Variants in AMBRA1 observed in about 807,000 individuals in gnomAD.
AMBRA1 encodes the protein activating molecule in BECN1-regulated autophagy protein 1.
Under a neutral mutation model 125.4 loss-of-function variants are expected in AMBRA1, and 47 were observed. The observed-to-expected ratio is 0.37, with a 90% CI of 0.30 to 0.48. The LOEUF is 0.48. Among genes scored for constraint, AMBRA1 ranks in the 20% least tolerant of loss-of-function variants. The probability of loss-of-function intolerance (pLI) is 0.99; values close to 1 mark genes in which losing one functional copy is unlikely to be tolerated. For missense variants in AMBRA1, 1,331 were observed against 1,693.4 expected, an observed-to-expected ratio of 0.79 and a Z score of 3.76; for synonymous variants, 626 against 655.5, an observed-to-expected ratio of 0.95 and a Z score of 0.69.
chr11:46,418,957 T>G (rs922927689), intron 14 of AMBRA1, among the ~76,000 whole-genome samples: 5 of 150,974 alleles, frequency 3.3e-5, no homozygotes, highest in African/African-American at 9.8e-5. Context: ...GTAACCACAG[T>G]GCTCTCACAG....
intron 1 of AMBRA1, among the ~76,000 whole-genome samples, chr11:46,579,786 C>G (rs2044108243): frequency 6.6e-6 from 1 of 152,178 alleles, no homozygotes; most frequent in Non-Finnish European, 1.5e-5. Flanking sequence ...GATATCAGCT[C>G]ACTATATCCC....
intron 17 of AMBRA1, among the ~76,000 whole-genome samples, chr11:46,399,571 G>T (rs1945621613): frequency 1.3e-5 from 2 of 152,018 alleles, no homozygotes; most frequent in South Asian, 4.1e-4. Context: ...CACCATGTTG[G>T]CCAGGCTGCT....
chr11:46,566,504 A>G (rs1411977185), intron 1 of AMBRA1, among the ~76,000 whole-genome samples: 1 of 152,210 alleles, frequency 6.6e-6, no homozygotes, highest in Non-Finnish European at 1.5e-5. Flanking sequence ...GGCCAATCCA[A>G]ATGGTTACAT....
intron 15 of AMBRA1, among the ~76,000 whole-genome samples, chr11:46,411,653 G>A (rs1335340834): frequency 6.6e-6 from 1 of 152,178 alleles, no homozygotes; most frequent in Non-Finnish European, 1.5e-5. Flanking sequence ...ATTTTTAGTA[G>A]AGATGGGGTT....
intron 17 of AMBRA1, among the ~76,000 whole-genome samples, chr11:46,398,170 G>A (rs983386713): frequency 1.3e-5 from 2 of 152,232 alleles, no homozygotes; most frequent in Admixed American, 1.3e-4. Flanking sequence ...TGAGGCCTAG[G>A]ATGGCCAGTT....
Position 46,400,473 on chromosome 11 carries a change from GTT to G in AMBRA1, c.3404-2532_3404-2531del, listed in dbSNP as rs553040136. ...CCTCATGCTTCTAGTTCTTTCTATAGTTTTTTTTTTTTTTTTTTTTTTTTTTT... is the reference window on the plus strand; with the variant it reads ...CCTCATGCTTCTAGTTCTTTCTATAGTTTTTTTTTTTTTTTTTTTTTTTTT... On this transcript the variant is annotated intron_variant, in intron 17 of 17. Transcript: ENST00000683756. Among the ~76,000 whole-genome samples the G allele has an allele frequency of 2.7e-4, 13 of 48,878 alleles. No homozygotes were observed. In the East Asian group the frequency reaches 5.1e-3, roughly 19 times the overall value. The allele number at this position is 48,878 out of a possible 152,430, so 32.1% of individuals were successfully genotyped here. A position where few individuals can be genotyped will look rare whatever the true frequency, so the allele number is the denominator to read the frequency against.
chr11:46,548,141 C>A, intron 2 of AMBRA1, 105 bp downstream of exon 2: 1 of 1,501,662 alleles, frequency 6.7e-7, no homozygotes, highest in South Asian at 1.2e-5. Flanking sequence ...TCAACTCTCC[C>A]ACACAAGATA....
chr11:46,499,644 A>G (rs1298151456), intron 9 of AMBRA1, among the ~76,000 whole-genome samples: 3 of 151,870 alleles, frequency 2.0e-5, no homozygotes, highest in Non-Finnish European at 4.4e-5. Context: ...TGCCTACTAC[A>G]GGGGAAATTT....
chr11:46,428,197 G>A (rs1314062880), intron 14 of AMBRA1, among the ~76,000 whole-genome samples: 1 of 151,794 alleles, frequency 6.6e-6, no homozygotes, highest in African/African-American at 2.4e-5. Context: ...AATGGGGAGG[G>A]GAAGAAGAGG....
chr11:46,501,637 G>A lies in AMBRA1; in HGVS notation c.2339+6554C>T, dbSNP rs1056466007. On this transcript the variant is annotated intron_variant, in intron 9 of 17. Transcript: ENST00000683756. ...AGTAGTTCCTCACAATTTTCACTTTGCAAACATCTATTCCTTGATTTACCT... is the reference window on the plus strand; with the variant it reads ...AGTAGTTCCTCACAATTTTCACTTTACAAACATCTATTCCTTGATTTACCT... Among the ~76,000 whole-genome samples, 17 of 152,140 alleles carry A rather than the reference G, an allele frequency of 1.1e-4. No homozygotes were observed. In the East Asian group the frequency reaches 2.5e-3, roughly 22 times the overall value.
Position 46,547,800 on chromosome 11 carries a change from A to T in AMBRA1, c.194+17T>A. The T allele has an allele frequency of 1.2e-6, 2 of 1,604,216 alleles. No homozygotes were observed. Among genetic ancestry groups the T allele is most frequent in the Non-Finnish European group, 1.7e-6 (2 of 1,174,526 alleles). Reference sequence around the variant, plus strand: ...ACTGTTATCACAAATCTTAAGTTATAGATAAATACTGAGTACCTGTCTGGG... The same window carrying T: ...ACTGTTATCACAAATCTTAAGTTATTGATAAATACTGAGTACCTGTCTGGG... On this transcript the variant is annotated intron_variant, in intron 3 of 17. Coordinates refer to ENST00000683756, the MANE Select transcript of AMBRA1 (RefSeq NM_001387011.1).
intron 11 of AMBRA1, among the ~76,000 whole-genome samples, chr11:46,464,593 T>TA (rs1949241713): frequency 6.6e-6 from 1 of 152,142 alleles, no homozygotes; most frequent in Non-Finnish European, 1.5e-5. Flanking sequence ...TTAATATTTT[T>TA]AATTTTCTAT....
chr11:46,405,580 G>T (rs747467517), intron 17 of AMBRA1, among the ~76,000 whole-genome samples: 12 of 151,912 alleles, frequency 7.9e-5, no homozygotes, highest in Non-Finnish European at 1.3e-4. Context: ...TAAAAAAATA[G>T]CCAGGCATGG....
chr11:46,593,136 T>C (rs2044667307), intron 1 of AMBRA1, among the ~76,000 whole-genome samples: 1 of 152,178 alleles, frequency 6.6e-6, no homozygotes, highest in South Asian at 2.1e-4. Flanking sequence ...CTGAAGCCTC[T>C]TGTGACAGGA....
chr11:46,425,235 A>G (rs1166991132), intron 14 of AMBRA1, among the ~76,000 whole-genome samples: 5 of 151,992 alleles, frequency 3.3e-5, no homozygotes, highest in Non-Finnish European at 1.5e-5. Context: ...TCTACATCTC[A>G]AAGGAAATGG....
intron 7 of AMBRA1, among the ~76,000 whole-genome samples, chr11:46,523,844 C>G (rs1951858659): frequency 6.6e-6 from 1 of 152,096 alleles, no homozygotes; most frequent in Non-Finnish European, 1.5e-5. Flanking sequence ...CTGACAGTTC[C>G]TTGTGAGATG....
At chr11:46,517,110 A>G (rs1951523756) in intron 7 of AMBRA1, among the ~76,000 whole-genome samples, 1 of 151,818 alleles carries the variant, frequency 6.6e-6, no homozygotes. Flanking sequence ...TCTGCTATAT[A>G]ATATATAATC....
intron 1 of AMBRA1, among the ~76,000 whole-genome samples, chr11:46,553,608 G>A (rs1056910705): frequency 2.6e-5 from 4 of 152,016 alleles, no homozygotes; most frequent in Non-Finnish European, 5.9e-5. Context: ...AGCCAGGCGT[G>A]GTAGCTCATG....
At chr11:46,412,274 A>G (rs1314503249) in intron 15 of AMBRA1, among the ~76,000 whole-genome samples, 1 of 152,142 alleles carries the variant, frequency 6.6e-6, no homozygotes, top group East Asian at 1.9e-4. Flanking sequence ...CACTAATACA[A>G]TGTAAATTAT....
Sources: gnomAD v4.1 joint callset for allele counts (sites outside exome capture counted in the v4.1 genomes callset) on GRCh38, gnomAD v4.1.1 for gene constraint, MANE v1.5 for transcripts, NCBI Gene and HGNC (gene_info 2026-07-23, HGNC 2026-07-21) for gene names.